The following SNTG1 variants were observed in gnomAD, a reference collection of about 807,000 sequenced individuals.
The protein encoded by SNTG1 is gamma-1-syntrophin.
A neutral mutation model predicts 74.7 loss-of-function variants in SNTG1; 39 were observed. The ratio of observed to expected loss-of-function variants is 0.52; its 90% CI spans 0.40 to 0.68. The LOEUF (loss-of-function observed/expected upper bound fraction) is 0.68, where lower values mean the gene tolerates loss of function less well. SNTG1 is among the 30% of genes least tolerant of loss of function. SNTG1 has a pLI of 0.00. For synonymous variants in SNTG1, 254 were observed against 217.1 expected (o/e 1.17, Z -1.49); for missense variants, 685 against 609.5 (o/e 1.12, Z -1.30).
intron 13 of SNTG1, among the ~76,000 whole-genome samples, chr8:50,596,093 G>A (rs1161417231): frequency 1.3e-5 from 2 of 151,790 alleles, no homozygotes; most frequent in African/African-American, 2.4e-5. Context: ...ACACTAGCAG[G>A]GTAAAGATAA....
intron 4 of SNTG1, among the ~76,000 whole-genome samples, chr8:50,424,652 A>G (rs1419764486): frequency 6.6e-6 from 1 of 152,218 alleles, no homozygotes; most frequent in Non-Finnish European, 1.5e-5. Context: ...AGGATGTATG[A>G]GTCCAGGAGA....
intron 17 of SNTG1, among the ~76,000 whole-genome samples, chr8:50,725,692 A>C (rs2131604266): frequency 1.3e-5 from 2 of 152,298 alleles, no homozygotes; most frequent in Middle Eastern, 6.8e-3. Context: ...CAACTGGCTC[A>C]TGAGCAGAGG....
intron 1 of SNTG1, among the ~76,000 whole-genome samples, chr8:50,009,816 G>A (rs1313595876): frequency 6.6e-6 from 1 of 152,092 alleles, no homozygotes; most frequent in African/African-American, 2.4e-5. Flanking sequence ...TGGGAAACAT[G>A]GCAAAACCCC....
intron 1 of SNTG1, among the ~76,000 whole-genome samples, chr8:50,050,564 T>A (rs939181079): frequency 6.6e-6 from 1 of 151,992 alleles, no homozygotes; most frequent in Non-Finnish European, 1.5e-5. Flanking sequence ...ACTTCCCAAA[T>A]AAAATCCTAA....
At chr8:50,714,692 G>A (rs2095470913) in intron 17 of SNTG1, among the ~76,000 whole-genome samples, 1 of 152,088 alleles carries the variant, frequency 6.6e-6, no homozygotes, top group South Asian at 2.1e-4. Context: ...AGAGACATCA[G>A]TACAATTGAA....
intron 2 of SNTG1, among the ~76,000 whole-genome samples, chr8:50,349,888 C>T (rs762737902): frequency 3.3e-4 from 50 of 152,252 alleles, no homozygotes; most frequent in African/African-American, 9.9e-4. Flanking sequence ...AGGTAGGAGC[C>T]GGCTCCCTCA....
chr8:50,320,094 G>C (rs35845670), intron 2 of SNTG1, among the ~76,000 whole-genome samples: 1 of 151,960 alleles, frequency 6.6e-6, no homozygotes, highest in Non-Finnish European at 1.5e-5. Flanking sequence ...GGTGTTAGTC[G>C]TTCTTTCAAT....
At chr8:50,686,282 T>C (rs2095352213) in intron 15 of SNTG1, among the ~76,000 whole-genome samples, 3 of 152,204 alleles carry the variant, frequency 2.0e-5, no homozygotes, top group Admixed American at 2.0e-4. Context: ...TTAAGCTGAA[T>C]GTCTCCAAAA....
chr8:50,652,029 C>T (rs907692124), intron 13 of SNTG1, among the ~76,000 whole-genome samples: 8 of 152,084 alleles, frequency 5.3e-5, no homozygotes, highest in Non-Finnish European at 8.8e-5. Flanking sequence ...GGATTACAGG[C>T]GTGAGCCACC....
intron 2 of SNTG1, among the ~76,000 whole-genome samples, chr8:50,329,408 C>T (rs560754846): frequency 6.2e-4 from 95 of 152,274 alleles, no homozygotes; most frequent in Admixed American, 1.4e-3. Context: ...TGGACATCCG[C>T]GCATTCCCAA....
At chr8:50,691,113 C>G (rs920122390) in intron 15 of SNTG1, among the ~76,000 whole-genome samples, 20 of 152,082 alleles carry the variant, frequency 1.3e-4, no homozygotes, top group Non-Finnish European at 2.2e-4. Context: ...AGATCTCCCT[C>G]CATCCCTTTA....
At chr8:49,960,966 TTACCTGTATAGG>T (rs1810629773) in intron 1 of SNTG1, among the ~76,000 whole-genome samples, 4 of 152,130 alleles carry the variant, frequency 2.6e-5, no homozygotes, top group Non-Finnish European at 5.9e-5. Context: ...GAGCGGAAAG[TTACCTGTATAGG>T]AAAATGTGCT....
intron 12 of SNTG1, among the ~76,000 whole-genome samples, chr8:50,557,215 G>T (rs1014679831): frequency 1.2e-5 from 1 of 84,800 alleles, no homozygotes; most frequent in East Asian, 3.6e-4. Context: ...GAGTAGGGGA[G>T]AAAACCAAAA....
chr8:50,058,363 C>T (rs998621947), intron 1 of SNTG1, among the ~76,000 whole-genome samples: 1 of 152,122 alleles, frequency 6.6e-6, no homozygotes, highest in African/African-American at 2.4e-5. Context: ...TAAATACACT[C>T]ATATAGTAAA....
intron 9 of SNTG1, among the ~76,000 whole-genome samples, chr8:50,508,121 A>C (rs2094026292): frequency 6.6e-6 from 1 of 151,966 alleles, no homozygotes; most frequent in Non-Finnish European, 1.5e-5. Flanking sequence ...TCCTGTGTTC[A>C]TGTGTTCTCA....
rs1205874016 is a variant in SNTG1, at chr8:50,792,676, G to A, written c.1401G>A (p.Leu467=). 6.2e-7 allele frequency: 1 copy of A among 1,605,034 alleles called. No homozygotes were observed. Among genetic ancestry groups the A allele is most frequent in the Non-Finnish European group, 8.5e-7 (1 of 1,175,216 alleles). ...PDTKQIEAKE[L]EFSNLFAVLH... is the part of the protein sequence containing the mutation. Reference sequence around the variant, plus strand: ...TGTTTCTCTTTCCCTTTCAGGAGTTGGAATTTTCTAATTTATTTGCTGTTC... The same window carrying A: ...TGTTTCTCTTTCCCTTTCAGGAGTTAGAATTTTCTAATTTATTTGCTGTTC... Residue 467 remains leucine, a synonymous_variant, in exon 19 of 19, where the codon TTG becomes TTA. Coordinates refer to ENST00000642720, the MANE Select transcript of SNTG1 (RefSeq NM_018967.5).
chr8:50,370,797 C>T (rs549382997), intron 2 of SNTG1, among the ~76,000 whole-genome samples: 1 of 152,108 alleles, frequency 6.6e-6, no homozygotes, highest in South Asian at 2.1e-4. Context: ...CTACACTCCA[C>T]AAGCACTTGA....
At chr8:50,746,379 T>C (rs922262567) in intron 17 of SNTG1, among the ~76,000 whole-genome samples, 2 of 151,998 alleles carry the variant, frequency 1.3e-5, no homozygotes, top group South Asian at 4.1e-4. Flanking sequence ...GGATATCCAC[T>C]GGCATCATTA....
At chr8:50,394,075 G>GGAA (rs2092697427) in intron 2 of SNTG1, 137 bp from the exon 3 acceptor site, 3 of 553,806 alleles carry the variant, frequency 5.4e-6, no homozygotes, top group Non-Finnish European at 9.5e-6. Context: ...AGTATACCCT[G>GGAA]GAGCTCTTGT....
Sources: gnomAD v4.1 joint callset for allele counts (sites outside exome capture counted in the v4.1 genomes callset) on GRCh38, gnomAD v4.1.1 for gene constraint, MANE v1.5 for transcripts, NCBI Gene and HGNC (gene_info 2026-07-23, HGNC 2026-07-21) for gene names.